The following SIN3A variants were observed in gnomAD, a reference collection of about 807,000 sequenced individuals.
SIN3A encodes paired amphipathic helix protein Sin3a.
In SIN3A, 14 loss-of-function variants were observed where a neutral mutation model predicts 146.1. That is an observed-to-expected ratio of 0.10 (90% CI 0.06 to 0.15). The LOEUF is 0.15. Ranked by LOEUF, SIN3A falls within the 10% of genes least tolerant of loss-of-function variation. SIN3A has a pLI of 1.00. For missense variants in SIN3A, 1,028 were observed against 1,576.0 expected (o/e 0.65, Z 5.89); for synonymous variants, 572 against 572.0 (o/e 1.00, Z 0.00).
At chr15:75,445,704 T>C (rs977182944) in intron 1 of SIN3A, among the ~76,000 whole-genome samples, 2 of 139,036 alleles carry the variant, frequency 1.4e-5, no homozygotes, top group African/African-American at 2.7e-5. Flanking sequence ...TGAGCCGAGA[T>C]AGTACCACTG....
chr15:75,435,928 C>T (rs2074100071), intron 1 of SIN3A, among the ~76,000 whole-genome samples: 1 of 151,858 alleles, frequency 6.6e-6, no homozygotes, highest in Admixed American at 6.6e-5. Flanking sequence ...AGCTGGAGAC[C>T]AGCCTGGGCA....
At chr15:75,405,403 C>A (rs2073492662) in intron 9 of SIN3A, among the ~76,000 whole-genome samples, 3 of 150,832 alleles carry the variant, frequency 2.0e-5, no homozygotes, top group African/African-American at 7.3e-5. Flanking sequence ...AAAAAGATTC[C>A]TTAATAGCAT....
chr15:75,420,383 T>C (rs1015975922), intron 3 of SIN3A: 5 of 152,154 alleles, frequency 3.3e-5, no homozygotes, highest in African/African-American at 1.2e-4. Flanking sequence ...ACATTTCTTT[T>C]TTTTTGTTTG....
chr15:75,445,491 G>A (rs1367108249), intron 1 of SIN3A, among the ~76,000 whole-genome samples: 1 of 151,260 alleles, frequency 6.6e-6, no homozygotes, highest in East Asian at 1.9e-4. Context: ...GGAGGTGGAG[G>A]TTGCAGTGAG....
At chr15:75,408,432 T>A (rs1422355856) in intron 8 of SIN3A, among the ~76,000 whole-genome samples, 1 of 152,230 alleles carries the variant, frequency 6.6e-6, no homozygotes, top group Non-Finnish European at 1.5e-5. Context: ...TCACTATTCA[T>A]CAGCCACCTC....
At position 75,392,663 on chromosome 15, in the gene SIN3A, A is replaced by G. The variant is rs754832442; in HGVS notation, c.2430T>C (p.Tyr810=). ...RQTGIQKEDK[Y]KIKQIMHHFI... is the part of the protein sequence containing the mutation. ...AATGATGCATGATTTGTTTTATCTT[A>G]TATTTGTCCTCCTTCTGAATGCCTG... is the stretch of plus-strand genomic sequence containing the variant. Residue 810 remains tyrosine (Y), a synonymous_variant, in exon 15 of 21, where the codon TAT becomes TAC. Transcript: ENST00000394947. The G allele has an allele frequency of 4.3e-6, 7 of 1,614,036 alleles. No individual in the cohort carries two copies. The highest frequency in any genetic ancestry group is 4.5e-5 in the East Asian group (2 of 44,896).
chr15:75,398,101 AAAACAAAC>A (rs762527269), intron 12 of SIN3A, among the ~76,000 whole-genome samples: 1 of 152,180 alleles, frequency 6.6e-6, no homozygotes, highest in Admixed American at 6.6e-5. Context: ...AAAGAGTACC[AAAACAAAC>A]AAACAAACAA....
At chr15:75,421,793 CA>C (rs553282260) in intron 3 of SIN3A, 2 of 152,112 alleles carry the variant, frequency 1.3e-5, no homozygotes, top group Non-Finnish European at 2.9e-5. Flanking sequence ...CTTGCTGCAA[CA>C]ATCACATATT....
chr15:75,420,843 T>C (rs2073829983), intron 3 of SIN3A: 1 of 152,180 alleles, frequency 6.6e-6, no homozygotes, highest in South Asian at 2.1e-4. Context: ...AGAAAGGAAA[T>C]TCAACAAGTT....
intron 16 of SIN3A, chr15:75,388,717 C>G (rs1024595186): frequency 6.6e-6 from 1 of 152,258 alleles, no homozygotes; most frequent in African/African-American, 2.4e-5. Flanking sequence ...TCACTAAGAA[C>G]TTTAAGGTAT....
At chr15:75,429,673 C>T (rs1026904127) in intron 2 of SIN3A, among the ~76,000 whole-genome samples, 1 of 152,186 alleles carries the variant, frequency 6.6e-6, no homozygotes, top group Non-Finnish European at 1.5e-5. Context: ...ATGTTCACAG[C>T]AGCACCTTTG....
At chr15:75,428,466 A>G (rs1008784107) in intron 2 of SIN3A, among the ~76,000 whole-genome samples, 9 of 152,080 alleles carry the variant, frequency 5.9e-5, no homozygotes, top group African/African-American at 2.2e-4. Flanking sequence ...GATGCACACC[A>G]CTATGCCTGG....
Position 75,396,469 on chromosome 15 carries a change from C to T in SIN3A, c.1882G>A (p.Ala628Thr). The T allele has an allele frequency of 6.2e-7, 1 of 1,613,666 alleles. No homozygotes were observed. Among genetic ancestry groups the T allele is most frequent in the Non-Finnish European group, 8.5e-7 (1 of 1,179,796 alleles). ...ELDVVLETNL[A>T]TIRVLEAIQK... ...ATTGCTTCCAGAACCCGGATTGTTGCCAGATTGGTCTCTAAAACTACATCA... is the reference window on the plus strand; with the variant it reads ...ATTGCTTCCAGAACCCGGATTGTTGTCAGATTGGTCTCTAAAACTACATCA... Residue 628 changes from alanine to threonine, a missense_variant, in exon 13 of 21, where the codon GCA becomes ACA. Coordinates refer to ENST00000394947, the MANE Select transcript of SIN3A (RefSeq NM_001145358.2).
intron 1 of SIN3A, among the ~76,000 whole-genome samples, chr15:75,446,873 A>G (rs181011754): frequency 3.3e-5 from 5 of 151,778 alleles, no homozygotes; most frequent in Non-Finnish European, 4.4e-5. Context: ...CCGGGTTCAC[A>G]CCATTCTCCT....
In SIN3A at chr15:75,415,629, A is replaced by G. The variant is rs1595910296; in HGVS notation, c.367-1318T>C. The stretch of plus-strand genomic sequence containing the variant: ...CACTTTCAGAGGCAGAGGTGGGAGG[A>G]TCATCTGAGGTCAGGAGTTCGAGAC... On this transcript the variant is annotated intron_variant, in intron 3 of 20. Coordinates refer to ENST00000394947, the MANE Select transcript of SIN3A (RefSeq NM_001145358.2). The G allele has an allele frequency of 1.8e-5, 3 of 164,300 alleles. No homozygotes were observed. In the South Asian group the frequency reaches 4.4e-4, roughly 24 times the overall value. The allele number at this position is 164,300 out of a possible 1,614,324, so 10.2% of individuals were successfully genotyped here. A position where few individuals can be genotyped will look rare whatever the true frequency, so the allele number is the denominator to read the frequency against.
chr15:75,414,419 G>A, intron 3 of SIN3A, 108 bp from the exon 4 acceptor site: 1 of 450,038 alleles, frequency 2.2e-6, no homozygotes. Flanking sequence ...TGCAGTAAAT[G>A]AAGTAAAAAT....
At chr15:75,424,656 G>C (rs2073895334) in intron 2 of SIN3A, among the ~76,000 whole-genome samples, 1 of 151,980 alleles carries the variant, frequency 6.6e-6, no homozygotes, top group South Asian at 2.1e-4. Flanking sequence ...CGTACTTTTT[G>C]TAGAAACAGG....
chr15:75,423,878 C>T (rs2073881257), intron 2 of SIN3A, among the ~76,000 whole-genome samples: 1 of 151,972 alleles, frequency 6.6e-6, no homozygotes. Context: ...CATCTGTAAT[C>T]CCAGCTACTG....
At chr15:75,447,840 C>G (rs1336408658) in intron 1 of SIN3A, 1 of 151,942 alleles carries the variant, frequency 6.6e-6, no homozygotes, top group Non-Finnish European at 1.5e-5. Context: ...GTAGGGAAAA[C>G]AAAAGCAAAA....
Sources: allele counts gnomAD v4.1 joint callset (sites outside exome capture counted in the v4.1 genomes callset), GRCh38; gene constraint gnomAD v4.1.1; transcripts MANE v1.5; gene names NCBI Gene and HGNC (gene_info 2026-07-23, HGNC 2026-07-21).